VASP: variants seen among roughly 807,000 people sequenced by gnomAD.
The protein encoded by VASP is vasodilator stimulated phosphoprotein, also known as vasodilator-stimulated phosphoprotein.
In VASP, 27 loss-of-function variants were observed where a neutral mutation model predicts 54.4. That is an observed-to-expected ratio of 0.50 (90% CI 0.37 to 0.68). The LOEUF is 0.68. Ranked by LOEUF, VASP falls within the 30% of genes least tolerant of loss-of-function variation. The probability of loss-of-function intolerance (pLI) is 0.00; values close to 1 mark genes in which losing one functional copy is unlikely to be tolerated. For synonymous variants in VASP, 233 were observed against 209.8 expected (o/e 1.11, Z -0.96); for missense variants, 488 against 528.3 (o/e 0.92, Z 0.75).
intron 10 of VASP, 126 bp from the exon 11 acceptor site, chr19:45,524,443 GC>G: frequency 1.1e-6 from 1 of 942,256 alleles, no homozygotes; most frequent in Non-Finnish European, 1.6e-6. Context: ...AAAAACTGGG[GC>G]CCCAAAAATA....
intron 7 of VASP, 122 bp from the exon 8 acceptor site, chr19:45,523,522 A>G: frequency 8.9e-7 from 1 of 1,118,388 alleles, no homozygotes; most frequent in Middle Eastern, 2.0e-4. Context: ...CTAAAACTAG[A>G]GTTTCCTTAG....
intron 3 of VASP, 76 bp downstream of exon 3, chr19:45,518,170 GA>G: frequency 6.5e-7 from 1 of 1,529,348 alleles, no homozygotes; most frequent in Admixed American, 2.1e-5. Context: ...ACCCTGCTGG[GA>G]CTTGGTTTAC....
chr19:45,512,727 G>A (rs1001955144), intron 1 of VASP, among the ~76,000 whole-genome samples: 10 of 152,024 alleles, frequency 6.6e-5, no homozygotes, highest in Non-Finnish European at 1.3e-4. Context: ...AGCCTCCCAA[G>A]TAGCTGGGAT....
intron 1 of VASP, among the ~76,000 whole-genome samples, chr19:45,515,574 T>G (rs1022804193): frequency 6.6e-6 from 1 of 152,084 alleles, no homozygotes; most frequent in Non-Finnish European, 1.5e-5. Context: ...TTTCACTCTG[T>G]CGCCCAGGCT....
At chr19:45,521,878 C>CAAAAAAA (rs922602378) in intron 4 of VASP, among the ~76,000 whole-genome samples, 1 of 123,450 alleles carries the variant, frequency 8.1e-6, no homozygotes, top group Non-Finnish European at 1.8e-5. Context: ...GACAGAGTCT[C>CAAAAAAA]AAAAAAAAAA....
chr19:45,526,196 C>G lies in VASP; in HGVS notation c.*19C>G, dbSNP rs1481435247. 1.9e-5 allele frequency: 30 copies of G among 1,596,318 alleles called. No homozygotes were observed. The highest frequency in any genetic ancestry group is 2.4e-5 in the Non-Finnish European group (28 of 1,175,702). On this transcript the variant is annotated 3_prime_UTR_variant, in exon 13 of 13. Coordinates refer to ENST00000245932, the MANE Select transcript of VASP (RefSeq NM_003370.4). ...TCCCTGACCACAGGGACCCAGAAGA[C>G]CCGCTTCTCCTTTCCGCACACCCGG... is the stretch of plus-strand genomic sequence containing the variant.
intron 1 of VASP, among the ~76,000 whole-genome samples, chr19:45,515,671 A>G (rs1440896283): frequency 6.6e-6 from 1 of 152,102 alleles, no homozygotes; most frequent in Non-Finnish European, 1.5e-5. Flanking sequence ...TGAGTAGCTC[A>G]GACTACAGGT....
chr19:45,516,133 C>A (rs1234692512), intron 1 of VASP, among the ~76,000 whole-genome samples: 9 of 152,176 alleles, frequency 5.9e-5, no homozygotes, highest in Non-Finnish European at 1.0e-4. Context: ...CAGGGTACCC[C>A]CAGACCCTGG....
At chr19:45,521,269 A>T in intron 3 of VASP, 53 bp from the exon 4 acceptor site, 1 of 1,501,718 alleles carries the variant, frequency 6.7e-7, no homozygotes, top group Non-Finnish European at 9.1e-7. Flanking sequence ...AAGCGCCAAG[A>T]GCTGAGCAGA....
At chr19:45,521,526 C>A (rs1968833980) in intron 4 of VASP, 120 bp downstream of exon 4, 2 of 882,748 alleles carry the variant, frequency 2.3e-6, no homozygotes, top group Admixed American at 6.1e-5. Flanking sequence ...GTTCAAGAAA[C>A]TTCTGACACT....
chr19:45,511,832 T>C (rs896409895), intron 1 of VASP, among the ~76,000 whole-genome samples: 3 of 152,218 alleles, frequency 2.0e-5, no homozygotes, highest in Non-Finnish European at 2.9e-5. Context: ...CCTGGTGGCT[T>C]ATGCCTGTAA....
In VASP at chr19:45,522,182, C is replaced by G. The variant is rs752897849; in HGVS notation, c.443C>G (p.Pro148Arg). The G allele has an allele frequency of 3.1e-6, 5 of 1,613,926 alleles. No individual in the cohort carries two copies. The African/African-American group carries it at 5.3e-5, about 17-fold the overall frequency. Residue 148 changes from proline to arginine, a missense_variant, in exon 5 of 13, where the codon CCG becomes CGG. Transcript: ENST00000245932. ...TCCCCCCACAGGCAGCAGCCCGGCCCGTCGGAGCACATAGAGCGCCGGGTC... is the reference window on the plus strand; with the variant it reads ...TCCCCCCACAGGCAGCAGCCCGGCCGGTCGGAGCACATAGAGCGCCGGGTC... ...VEQQKRQQPG[P>R]SEHIERRVSN... is the part of the protein sequence containing the mutation.
chr19:45,524,811 A>G, intron 11 of VASP, 151 bp downstream of exon 11: 1 of 680,540 alleles, frequency 1.5e-6, no homozygotes, highest in Non-Finnish European at 2.5e-6. Context: ...AGGATGACCG[A>G]GACTCCACAC....
rs1293640151 is a variant in VASP at position 45,523,953 on chromosome 19, A to AT, written c.910+77dup. ...CTGTTCTCACATGTTAAGCACCCTT[A>AT]TAGGAGAGTCAGGGCGAATGGTGCT... On this transcript the variant is annotated intron_variant, in intron 9 of 12. Coordinates refer to ENST00000245932, the MANE Select transcript of VASP (RefSeq NM_003370.4). 1.5e-5 allele frequency: 24 copies of AT among 1,610,648 alleles called. No homozygotes were observed. In the East Asian group the frequency reaches 5.4e-4, roughly 36 times the overall value.
chr19:45,523,916 T>C, intron 9 of VASP, 39 bp downstream of exon 9: 1 of 1,613,180 alleles, frequency 6.2e-7, no homozygotes, highest in Non-Finnish European at 8.5e-7. Flanking sequence ...GAACTACAAA[T>C]CCCAGAATAC....
At chr19:45,518,503 A>G (rs894898875) in intron 3 of VASP, among the ~76,000 whole-genome samples, 1 of 152,160 alleles carries the variant, frequency 6.6e-6, no homozygotes, top group African/African-American at 2.4e-5. Flanking sequence ...TAGAGGTTGC[A>G]GTGAGCCGAG....
chr19:45,509,533 C>CCACCACCACCACCAG (rs1555727403), intron 1 of VASP, among the ~76,000 whole-genome samples: 3 of 151,144 alleles, frequency 2.0e-5, no homozygotes, highest in African/African-American at 7.3e-5. Flanking sequence ...ACCACCACCA[C>CCACCACCACCACCAG]CACCAGCACC....
Position 45,525,933 on chromosome 19 carries a change from C to A in VASP, c.1048-13C>A. ...GTACCCCCTCCTGATTAGTTTTACCCCATTAATTTTAGGAGCTTCTGGAAG... is the reference window on the plus strand; with the variant it reads ...GTACCCCCTCCTGATTAGTTTTACCACATTAATTTTAGGAGCTTCTGGAAG... On this transcript the variant is annotated splice_polypyrimidine_tract_variant and intron_variant, in intron 11 of 12. Coordinates refer to ENST00000245932, the MANE Select transcript of VASP (RefSeq NM_003370.4). 6.2e-7 allele frequency: 1 copy of A among 1,612,216 alleles called. No individual in the cohort carries two copies. Among genetic ancestry groups the A allele is most frequent in the South Asian group, 1.1e-5 (1 of 90,772 alleles).
At position 45,516,090 on chromosome 19, in the gene VASP, G is replaced by C. The variant is rs1436561974; in HGVS notation, c.6-1573G>C. 3.3e-5 allele frequency among the ~76,000 whole-genome samples: 5 copies of C among 152,278 alleles called. No homozygotes were observed. In the East Asian group the frequency reaches 9.7e-4, roughly 29 times the overall value. On this transcript the variant is annotated intron_variant, in intron 1 of 12. Transcript: ENST00000245932. ...GACGTTGCCTTTTCCAGGAAGTCCT[G>C]CCTGACTCTCCAGGCTGGGGCAGGC...
Sources: gnomAD v4.1 joint callset for allele counts (sites outside exome capture counted in the v4.1 genomes callset) on GRCh38, gnomAD v4.1.1 for gene constraint, MANE v1.5 for transcripts, NCBI Gene and HGNC (gene_info 2026-07-23, HGNC 2026-07-21) for gene names.